The following HMBOX1 variants were observed in gnomAD, a reference collection of about 807,000 sequenced individuals.
The protein encoded by HMBOX1 is homeobox-containing protein 1.
Under a neutral mutation model 54.5 loss-of-function variants are expected in HMBOX1, and 14 were observed. The ratio of observed to expected loss-of-function variants is 0.26; its 90% CI spans 0.17 to 0.40. The LOEUF is 0.40. Ranked by LOEUF, HMBOX1 falls within the 10% of genes least tolerant of loss-of-function variation. HMBOX1 has a pLI of 1.00. For synonymous variants in HMBOX1, 160 were observed against 181.0 expected (o/e 0.88, Z 0.93); for missense variants, 332 against 514.4 (o/e 0.65, Z 3.43).
At chr8:29,041,807 T>C (rs758794158) in intron 6 of HMBOX1, among the ~76,000 whole-genome samples, 11 of 152,128 alleles carry the variant, frequency 7.2e-5, no homozygotes, top group Non-Finnish European at 1.5e-4. Flanking sequence ...GATAAAGATG[T>C]AGAGGTTGTT....
At chr8:28,915,246 A>C (rs1041988941) in intron 1 of HMBOX1, among the ~76,000 whole-genome samples, 1 of 152,148 alleles carries the variant, frequency 6.6e-6, no homozygotes. Context: ...GAAACAGATG[A>C]AATTCATTTT....
chr8:28,926,171 G>A (rs1033495318), intron 1 of HMBOX1, among the ~76,000 whole-genome samples: 17 of 152,090 alleles, frequency 1.1e-4, no homozygotes, highest in African/African-American at 3.9e-4. Context: ...GCATGGTGGC[G>A]TATGCCTGTA....
At chr8:29,042,794 T>G in intron 6 of HMBOX1, 1 of 433,306 alleles carries the variant, frequency 2.3e-6, no homozygotes, top group Non-Finnish European at 4.6e-6. Flanking sequence ...TGCCATGGAG[T>G]TCAGGCTAAG....
At chr8:28,899,053 A>T (rs1054765100) in intron 1 of HMBOX1, among the ~76,000 whole-genome samples, 1 of 152,224 alleles carries the variant, frequency 6.6e-6, no homozygotes, top group Admixed American at 6.5e-5. Context: ...TTCTGCAAGG[A>T]TCAGTTTGCT....
chr8:28,990,322 TA>T (rs1239530769), intron 4 of HMBOX1, among the ~76,000 whole-genome samples: 1 of 152,206 alleles, frequency 6.6e-6, no homozygotes, highest in Non-Finnish European at 1.5e-5. Flanking sequence ...AAGTTTTTCA[TA>T]GTTGCCCTTT....
chr8:28,998,509 ATTC>A (rs974731219), intron 4 of HMBOX1, among the ~76,000 whole-genome samples: 2 of 151,954 alleles, frequency 1.3e-5, no homozygotes, highest in Non-Finnish European at 2.9e-5. Context: ...ATCTTTTTCC[ATTC>A]TTTTACTTTC....
intron 1 of HMBOX1, chr8:28,956,076 C>G (rs1486388502): frequency 6.6e-6 from 1 of 151,674 alleles, no homozygotes; most frequent in Non-Finnish European, 1.5e-5. Flanking sequence ...AAGGTGTAAG[C>G]TCTTTAAATT....
intron 1 of HMBOX1, among the ~76,000 whole-genome samples, chr8:28,955,381 G>T (rs1457386871): frequency 6.6e-6 from 1 of 152,066 alleles, no homozygotes; most frequent in Non-Finnish European, 1.5e-5. Flanking sequence ...CTTGTACATA[G>T]AGATGTGCAT....
chr8:29,049,170 T>C, intron 9 of HMBOX1, 122 bp downstream of exon 9: 1 of 1,488,078 alleles, frequency 6.7e-7, no homozygotes, highest in Non-Finnish European at 9.2e-7. Context: ...GTCCCTCCAC[T>C]CTGCTCCTGT....
chr8:28,995,586 A>AT (rs965324017), intron 4 of HMBOX1, among the ~76,000 whole-genome samples: 9 of 152,160 alleles, frequency 5.9e-5, no homozygotes, highest in Non-Finnish European at 1.3e-4. Flanking sequence ...ACTGTTTTCC[A>AT]TTTTATAAAA....
chr8:28,967,806 A>T (rs893434284), intron 2 of HMBOX1, among the ~76,000 whole-genome samples: 4 of 152,194 alleles, frequency 2.6e-5, no homozygotes, highest in African/African-American at 7.2e-5. Flanking sequence ...AGGTCTTTTT[A>T]AAATCATGGC....
intron 1 of HMBOX1, chr8:28,955,815 TG>T (rs1824315712): frequency 6.6e-6 from 1 of 152,144 alleles, no homozygotes. Context: ...GAGCCGGGCA[TG>T]GTGGTGGGCA....
chr8:28,986,499 T>C (rs1830180276), intron 4 of HMBOX1, among the ~76,000 whole-genome samples: 1 of 152,246 alleles, frequency 6.6e-6, no homozygotes, highest in African/African-American at 2.4e-5. Flanking sequence ...TATGAATTCC[T>C]ACCTAATGGA....
chr8:28,955,955 A>G (rs1310161569), intron 1 of HMBOX1: 1 of 51,246 alleles, frequency 2.0e-5, no homozygotes, highest in Admixed American at 2.7e-4. Flanking sequence ...TCTGTCTAGG[A>G]AAAAAAAAAA....
intron 1 of HMBOX1, among the ~76,000 whole-genome samples, chr8:28,941,804 T>C (rs948185878): frequency 9.2e-5 from 14 of 152,358 alleles, no homozygotes; most frequent in Admixed American, 5.9e-4. Context: ...ACTACTGTTA[T>C]ATTTTTGTCG....
At position 29,009,526 on chromosome 8, in the gene HMBOX1, T is replaced by C. The variant is rs1034302420; in HGVS notation, c.697+344T>C. 646 of 345,444 alleles carry C rather than the reference T, an allele frequency of 1.9e-3. 2 individuals carry two copies. Among genetic ancestry groups the C allele is most frequent in the Non-Finnish European group, 2.1e-3 (562 of 264,714 alleles). 21.4% of individuals were successfully genotyped at this position (345,444 alleles called of 1,614,324 possible). ...AACTACGTAAGATTCCGTATCTCTT[T>C]TTTTTTTTTTTTTTTTTTGCAAATC... On this transcript the variant is annotated intron_variant, in intron 5 of 9. Coordinates refer to ENST00000287701, the MANE Select transcript of HMBOX1 (RefSeq NM_001135726.3).
chr8:29,035,010 A>T (rs1803625137), intron 6 of HMBOX1, among the ~76,000 whole-genome samples: 1 of 152,184 alleles, frequency 6.6e-6, no homozygotes, highest in Non-Finnish European at 1.5e-5. Flanking sequence ...CATGTGTACA[A>T]AGTATTGTGT....
chr8:29,027,683 T>C lies in HMBOX1; in HGVS notation c.851+8770T>C, dbSNP rs139496446. Among the ~76,000 whole-genome samples, 271 of 152,248 alleles carry C rather than the reference T, an allele frequency of 1.8e-3. 1 individual carries two copies. Among genetic ancestry groups the C allele is most frequent in the African/African-American group, 6.3e-3 (262 of 41,558 alleles). ...AGCTTTGACTGGATGCAGGAATAAA[T>C]GTGAGAATACCTAGCAGTGATAGGT... On this transcript the variant is annotated intron_variant, in intron 6 of 9. Transcript: ENST00000287701.
At chr8:28,930,796 T>G (rs892064445) in intron 1 of HMBOX1, among the ~76,000 whole-genome samples, 2 of 152,230 alleles carry the variant, frequency 1.3e-5, no homozygotes, top group African/African-American at 4.8e-5. Flanking sequence ...TTGAATCAGT[T>G]GTAACATATA....
Sources: gnomAD v4.1 joint callset for allele counts (sites outside exome capture counted in the v4.1 genomes callset) on GRCh38, gnomAD v4.1.1 for gene constraint, MANE v1.5 for transcripts, NCBI Gene and HGNC (gene_info 2026-07-23, HGNC 2026-07-21) for gene names.